The following APOB variants were observed in gnomAD, a reference collection of about 807,000 sequenced individuals.
APOB encodes the protein apolipoprotein B, also known as apolipoprotein B-100.
A neutral mutation model predicts 314.1 loss-of-function variants in APOB; 153 were observed. That is an observed-to-expected ratio of 0.49 (90% confidence interval 0.43 to 0.56). The LOEUF (loss-of-function observed/expected upper bound fraction) is 0.56, where lower values mean the gene tolerates loss of function less well. Among genes scored for constraint, APOB ranks in the 20% least tolerant of loss-of-function variants. The pLI is 0.00. For synonymous variants in APOB, 2,087 were observed against 2,036.4 expected, an observed-to-expected ratio of 1.02 and a Z score of -0.67; for missense variants, 5,430 against 5,350.7, an observed-to-expected ratio of 1.01 and a Z score of -0.46.
In APOB at chr2:21,009,027, G is replaced by A. The variant is rs761038950; in HGVS notation, c.7841C>T (p.Thr2614Ile). The change falls in exon 26 of 29, where the codon ACA (threonine) becomes ATA (isoleucine). Residue 2614 changes from threonine to isoleucine, a missense_variant. By Grantham distance (89) the Thr-to-Ile change is moderately conservative. Around this residue, in one of 3 missense-constraint regions of APOB, gnomAD observed 3,281 missense variants for 3,171.0 expected, o/e 1.03. Coordinates refer to ENST00000233242, the MANE Select transcript of APOB (RefSeq NM_000384.3). ...TGTTAGGGGGACTATAAAATCAGGT[G>A]TCTGGAAGGTAGCTTTCTGAAGAGC... ...LQALQKATFQ[T>I]PDFIVPLTDL... 3.1e-6 allele frequency: 5 copies of A among 1,614,080 alleles called. No homozygotes were observed. The highest frequency in any genetic ancestry group is 4.2e-6 in the Non-Finnish European group (5 of 1,179,942).
chr2:21,005,611 A>G lies in APOB; in HGVS notation c.11257T>C (p.Phe3753Leu), dbSNP rs61741974. ...VLVMPTFHVPFTDLQVPSCKL... is the reference protein window; with the variant it reads ...VLVMPTFHVPLTDLQVPSCKL... ...CACGATGGAACCTGAAGATCTGTAA[A>G]TGGGACATGGAACGTAGGCATGACA... Residue 3753 changes from phenylalanine to leucine, a missense_variant, in exon 26 of 29, where the codon TTT becomes CTT. Coordinates refer to ENST00000233242, the MANE Select transcript of APOB (RefSeq NM_000384.3). The G allele has an allele frequency of 3.4e-4, 548 of 1,614,054 alleles. 1 individual carries two copies. In the African/African-American group the frequency reaches 6.9e-3, roughly 20 times the overall value.
chr2:21,019,526 A>G (rs1321073133), intron 19 of APOB, among the ~76,000 whole-genome samples, 197 bp downstream of exon 19: 4 of 152,226 alleles, frequency 2.6e-5, no homozygotes, highest in African/African-American at 7.2e-5. Context: ...CTGTGATCCC[A>G]TCCCATGCAC....
Position 21,009,656 on chromosome 2 carries a change from A to G in APOB, c.7212T>C (p.Leu2404=), listed in dbSNP as rs1663250236. The change falls in exon 26 of 29, where the codon CTT becomes CTC. Residue 2404 remains leucine, a synonymous_variant. Coordinates refer to ENST00000233242, the MANE Select transcript of APOB (RefSeq NM_000384.3). Reference sequence around the variant, plus strand: ...TGAATGTTTTAAAAGATAATTCATTAAGCTTCTTGACAGCATCATCAATAA... The same window carrying G: ...TGAATGTTTTAAAAGATAATTCATTGAGCTTCTTGACAGCATCATCAATAA... ...VGFIDDAVKK[L]NELSFKTFIE... 1.2e-6 allele frequency: 2 copies of G among 1,613,382 alleles called. No homozygotes were observed. The highest frequency in any genetic ancestry group is 1.7e-6 in the Non-Finnish European group (2 of 1,179,554).
Position 21,008,439 on chromosome 2 carries a change from G to T in APOB, c.8429C>A (p.Ala2810Glu). The change falls in exon 26 of 29, where the codon GCA (alanine) becomes GAA (glutamate). Residue 2810 changes from alanine (A) to glutamate (E), a missense_variant. This residue lies in a region of APOB where 3,281 missense variants were observed against 3,171.0 expected (regional missense o/e 1.03). Transcript: ENST00000233242. The stretch of plus-strand genomic sequence containing the variant: ...CTTAGGGTTTGAGAGTTGTGCATTT[G>T]CTTGAAAATCAAAATTGAGAACTTC... ...KLEVLNFDFQANAQLSNPKIN... is the reference protein window; with the variant it reads ...KLEVLNFDFQENAQLSNPKIN... 1.2e-6 allele frequency: 2 copies of T among 1,614,048 alleles called. No individual in the cohort carries two copies. Among genetic ancestry groups the T allele is most frequent in the African/African-American group, 1.3e-5 (1 of 75,028 alleles).
rs1157968577 is a variant in APOB at position 21,005,937 on chromosome 2, A to G, written c.10931T>C (p.Phe3644Ser). Residue 3644 changes from phenylalanine to serine, a missense_variant, in exon 26 of 29, where the codon TTC becomes TCC. This residue lies in a region of APOB where 3,281 missense variants were observed against 3,171.0 expected (regional missense o/e 1.03). Transcript: ENST00000233242. ...ATTGGAAAGCTCGACCTGGCTCTGG[A>G]AAGACCCAGAATGAATCCGGACTTC... ...KNEVRIHSGS[F>S]QSQVELSNDQ... 1 of 1,613,760 alleles carries G rather than the reference A, an allele frequency of 6.2e-7. No individual in the cohort carries two copies. The highest frequency in any genetic ancestry group is 8.5e-7 in the Non-Finnish European group (1 of 1,179,938).
chr2:21,043,426 T>C, intron 2 of APOB, 87 bp downstream of exon 2: 3 of 1,466,040 alleles, frequency 2.0e-6, no homozygotes, highest in Non-Finnish European at 2.8e-6. Context: ...ATCTCAGCCC[T>C]GTAGAGTGGG....
Position 21,006,117 on chromosome 2 carries a change from G to T in APOB, c.10751C>A (p.Thr3584Lys). 6.2e-7 allele frequency: 1 copy of T among 1,613,990 alleles called. No homozygotes were observed. Among genetic ancestry groups the T allele is most frequent in the East Asian group, 2.2e-5 (1 of 44,872 alleles). ...AGAGAGTTCCAGGGTGGCTTTGCTT[G>T]TATGTTCTCCGTTGGTGAAAAAGAG... is the stretch of plus-strand genomic sequence containing the variant. ...EGLFFTNGEH[T>K]SKATLELSPW... The change falls in exon 26 of 29, where the codon ACA (threonine) becomes AAA (lysine). Residue 3584 changes from threonine (T) to lysine (K), a missense_variant. By Grantham distance (78) the Thr-to-Lys change is moderately conservative. Around this residue, in one of 3 missense-constraint regions of APOB, gnomAD observed 3,281 missense variants for 3,171.0 expected, o/e 1.03. Coordinates refer to ENST00000233242, the MANE Select transcript of APOB (RefSeq NM_000384.3).
At position 21,018,430 on chromosome 2, in the gene APOB, C is replaced by T. The variant is rs12720821; in HGVS notation, c.3121+562G>A. On this transcript the variant is annotated intron_variant, in intron 20 of 28. Coordinates refer to ENST00000233242, the MANE Select transcript of APOB (RefSeq NM_000384.3). Reference sequence around the variant, plus strand: ...CATATCTCTCTGTCCTCATCTTCTACCTCTTTTCTCCCTGGTCTTTCTGCT... The same window carrying T: ...CATATCTCTCTGTCCTCATCTTCTATCTCTTTTCTCCCTGGTCTTTCTGCT... 2.6e-3 allele frequency among the ~76,000 whole-genome samples: 396 copies of T among 152,268 alleles called. 2 individuals carry two copies. The highest frequency in any genetic ancestry group is 9.3e-3 in the African/African-American group (387 of 41,538).
In APOB at chr2:21,043,845, A is replaced by G; in HGVS notation, c.82+19T>C. 1.3e-6 allele frequency: 2 copies of G among 1,529,494 alleles called. No homozygotes were observed. The highest frequency in any genetic ancestry group is 1.7e-6 in the Non-Finnish European group (2 of 1,143,754). The allele number at this position is 1,529,494 out of a possible 1,614,324, so 94.7% of individuals were successfully genotyped here. On this transcript the variant is annotated intron_variant, in intron 1 of 28. Coordinates refer to ENST00000233242, the MANE Select transcript of APOB (RefSeq NM_000384.3). Reference sequence around the variant, plus strand: ...TCCCTCCCGCTCCCTCTGCGCCCGCAGAGCGGCCGCGCACTCACCGGCCCT... The same window carrying G: ...TCCCTCCCGCTCCCTCTGCGCCCGCGGAGCGGCCGCGCACTCACCGGCCCT...
intron 4 of APOB, 63 bp downstream of exon 4, chr2:21,040,873 AAC>A (rs1320542751): frequency 8.2e-6 from 13 of 1,588,390 alleles, no homozygotes; most frequent in Non-Finnish European, 1.1e-5. Context: ...GCCTGGTGCA[AAC>A]ACACAAGTTC....
intron 16 of APOB, 74 bp from the exon 17 acceptor site, chr2:21,023,766 T>C (rs1184246231): frequency 3.5e-5 from 45 of 1,278,644 alleles, no homozygotes; most frequent in Non-Finnish European, 4.8e-5. Context: ...CAACCTCCCA[T>C]ACATTGGAGA....
Position 21,042,345 on chromosome 2 carries a change from C to T in APOB, c.237+16G>A. The T allele has an allele frequency of 1.3e-6, 2 of 1,599,672 alleles. No individual in the cohort carries two copies. Among genetic ancestry groups the T allele is most frequent in the Non-Finnish European group, 1.7e-6 (2 of 1,167,456 alleles). On this transcript the variant is annotated intron_variant, in intron 3 of 28. Transcript: ENST00000233242. ...AGCTGTGGGCTCTAGGTCCCTCCTG[C>T]CTGCATCCTCCATACCTTGCAGTTG...
intron 24 of APOB, among the ~76,000 whole-genome samples, chr2:21,013,811 C>T (rs1663401163): frequency 1.3e-5 from 2 of 152,246 alleles, no homozygotes; most frequent in South Asian, 4.1e-4. Context: ...TAGTCCCTTG[C>T]ACCTTTCTCA....
In APOB at chr2:21,004,369, C is replaced by G; in HGVS notation, c.11987G>C (p.Gly3996Ala). 1 of 1,613,924 alleles carries G rather than the reference C, an allele frequency of 6.2e-7. No homozygotes were observed. Among genetic ancestry groups the G allele is most frequent in the Middle Eastern group, 1.6e-4 (1 of 6,062 alleles). ...LHLRYQKDKK[G>A]ISTSAASPAV... ...TGGGGAGGCTGCTGAGGTGGAGATG[C>G]CTTTCTTGTCTTTCTGGTAGCGCAG... The change falls in exon 28 of 29, where the codon GGC (glycine) becomes GCC (alanine). Residue 3996 changes from glycine to alanine, a missense_variant. Coordinates refer to ENST00000233242, the MANE Select transcript of APOB (RefSeq NM_000384.3).
chr2:21,041,683 G>A (rs557997346), intron 3 of APOB, among the ~76,000 whole-genome samples: 1 of 152,338 alleles, frequency 6.6e-6, no homozygotes, highest in East Asian at 1.9e-4. Context: ...TGCAGCTAAT[G>A]TGACAACGAA....
At position 21,008,626 on chromosome 2, in the gene APOB, G is replaced by T. The variant is rs781779316; in HGVS notation, c.8242C>A (p.His2748Asn). Reference sequence around the variant, plus strand: ...CCAAAAGTAGGTACTTCAATTGTGTGTGAGATGTGGGGAAGCTGGAATTCT... The same window carrying T: ...CCAAAAGTAGGTACTTCAATTGTGTTTGAGATGTGGGGAAGCTGGAATTCT... ...IPEFQLPHIS[H>N]TIEVPTFGKL... is the part of the protein sequence containing the mutation. The change falls in exon 26 of 29, where the codon CAC becomes AAC. Residue 2748 changes from histidine (H) to asparagine (N), a missense_variant. By Grantham distance (68) the His-to-Asn change is moderately conservative (BLOSUM62 1). Around this residue, in one of 3 missense-constraint regions of APOB, gnomAD observed 3,281 missense variants for 3,171.0 expected, o/e 1.03. Transcript: ENST00000233242. The T allele has an allele frequency of 1.2e-6, 2 of 1,613,964 alleles. No homozygotes were observed. Among genetic ancestry groups the T allele is most frequent in the Non-Finnish European group, 1.7e-6 (2 of 1,179,952 alleles).
chr2:21,003,655 A>G (rs1663056568), intron 28 of APOB, among the ~76,000 whole-genome samples: 1 of 152,182 alleles, frequency 6.6e-6, no homozygotes, highest in Admixed American at 6.5e-5. Flanking sequence ...AAAGAAGAGG[A>G]GAGAGAAGAA....
Position 21,005,098 on chromosome 2 carries a change from G to C in APOB, c.11770C>G (p.Leu3924Val). ...TTCTTACCATTTAGTTCATATTCTA[G>C]GAACTGTACGGTTGAGCTGCATGTG... ...DSTCSSTVQF[L>V]EYELNVLGTH... The change falls in exon 26 of 29, where the codon CTA (leucine) becomes GTA (valine). Residue 3924 changes from leucine (L) to valine (V), a missense_variant. Leu to Val is a conservative substitution (Grantham distance 32). Around this residue, in one of 3 missense-constraint regions of APOB, gnomAD observed 3,281 missense variants for 3,171.0 expected, o/e 1.03. Coordinates refer to ENST00000233242, the MANE Select transcript of APOB (RefSeq NM_000384.3). The C allele has an allele frequency of 6.2e-7, 1 of 1,613,872 alleles. No individual in the cohort carries two copies. The highest frequency in any genetic ancestry group is 8.5e-7 in the Non-Finnish European group (1 of 1,179,848).
At position 21,019,921 on chromosome 2, in the gene APOB, A is replaced by G. The variant is rs749579686; in HGVS notation, c.2817-16T>C. ...TAATGTGTTGCTGGTGAAGAACAAA[A>G]ATACCTGAGTTATTGCCAAGTCATG... On this transcript the variant is annotated splice_polypyrimidine_tract_variant and intron_variant, in intron 18 of 28. Transcript: ENST00000233242. 1 of 1,613,702 alleles carries G rather than the reference A, an allele frequency of 6.2e-7. No homozygotes were observed. Among genetic ancestry groups the G allele is most frequent in the South Asian group, 1.1e-5 (1 of 91,072 alleles).
Sources: gnomAD v4.1 joint callset for allele counts (sites outside exome capture counted in the v4.1 genomes callset) on GRCh38, gnomAD v4.1.1 for gene constraint, gnomAD v4.1.1 regional missense constraint, MANE v1.5 for transcripts, NCBI Gene and HGNC (gene_info 2026-07-23, HGNC 2026-07-21) for gene names.